The following ABI1 variants were observed in gnomAD, a reference collection of about 807,000 sequenced individuals.
The protein encoded by ABI1 is abl interactor 1, also known as Abelson interactor 1.
In ABI1, 14 loss-of-function variants were observed where a neutral mutation model predicts 54.6. The observed-to-expected ratio is 0.26, with a 90% confidence interval of 0.17 to 0.40. The LOEUF (loss-of-function observed/expected upper bound fraction) is 0.40. Among genes scored for constraint, ABI1 ranks in the 10% least tolerant of loss-of-function variants. The pLI is 1.00. For synonymous variants in ABI1, 194 were observed against 209.3 expected (o/e 0.93, Z 0.63); for missense variants, 443 against 598.3 (o/e 0.74, Z 2.71).
chr10:26,796,728 T>G (rs1318143364), intron 2 of ABI1, among the ~76,000 whole-genome samples: 3 of 152,238 alleles, frequency 2.0e-5, no homozygotes, highest in Non-Finnish European at 4.4e-5. Flanking sequence ...TAGTAACTAA[T>G]TTACTGTCTA....
In ABI1 at chr10:26,746,675, C is replaced by G. The variant is rs1207202930; in HGVS notation, c.*1895G>C. The G allele has an allele frequency of 1.8e-6, 1 of 568,076 alleles. No individual in the cohort carries two copies. The highest frequency in any genetic ancestry group is 1.9e-5 in the African/African-American group (1 of 53,422). 35.2% of individuals were successfully genotyped at this position (568,076 alleles called of 1,614,324 possible). A position where few individuals can be genotyped will look rare whatever the true frequency, so the allele number is the denominator to read the frequency against. On this transcript the variant is annotated 3_prime_UTR_variant, in exon 11 of 11. Transcript: ENST00000376140. ...AATGTAATTAATAAACCACCTGAAT[C>G]TGTCATTCTAGTCCTATAAATTATA...
intron 1 of ABI1, among the ~76,000 whole-genome samples, chr10:26,841,868 G>A (rs2049540242): frequency 6.6e-6 from 1 of 152,034 alleles, no homozygotes. Context: ...CCACAGCTTG[G>A]CTAATGTAAA....
intron 2 of ABI1, among the ~76,000 whole-genome samples, chr10:26,786,630 A>G (rs1007273028): frequency 6.6e-6 from 1 of 152,188 alleles, no homozygotes; most frequent in Non-Finnish European, 1.5e-5. Flanking sequence ...CTAACTCCAT[A>G]GAAGGGAAAA....
chr10:26,824,430 G>A (rs1301932449), intron 1 of ABI1, among the ~76,000 whole-genome samples: 1 of 152,088 alleles, frequency 6.6e-6, no homozygotes, highest in African/African-American at 2.4e-5. Flanking sequence ...GTTATTCACT[G>A]CAGCACTATC....
chr10:26,771,700 T>C (rs1432629933), intron 3 of ABI1, among the ~76,000 whole-genome samples: 1 of 152,192 alleles, frequency 6.6e-6, no homozygotes, highest in Non-Finnish European at 1.5e-5. Context: ...AAACAGGGTC[T>C]GGAAAACTCT....
chr10:26,820,618 T>G (rs1031449597), intron 2 of ABI1, among the ~76,000 whole-genome samples: 1 of 151,410 alleles, frequency 6.6e-6, no homozygotes, highest in Non-Finnish European at 1.5e-5. Context: ...GATAGAGTTT[T>G]GCTCTGTCAC....
chr10:26,752,901 A>G (rs1237665392), intron 9 of ABI1, among the ~76,000 whole-genome samples: 2 of 152,208 alleles, frequency 1.3e-5, no homozygotes, highest in Non-Finnish European at 2.9e-5. Flanking sequence ...ATGTTTTCAT[A>G]CAAATTGATA....
In ABI1 at chr10:26,843,470, AAAAAAAAAAAAAAAAATATATATAT is replaced by A. The variant is rs1276346020; in HGVS notation, c.117+17252_117+17276del. On this transcript the variant is annotated intron_variant, in intron 1 of 10. Coordinates refer to ENST00000376140, the MANE Select transcript of ABI1 (RefSeq NM_001012750.3). ...CTCCGTCTCAAAAAAAAAAAAAAAA[AAAAAAAAAAAAAAAAATATATATAT>A]ATATATATATATATATATATGTAGA... is the stretch of plus-strand genomic sequence containing the variant. Among the ~76,000 whole-genome samples the A allele has an allele frequency of 2.2e-3, 162 of 72,928 alleles. 1 individual carries two copies. In the East Asian group the frequency reaches 0.046, roughly 21 times the overall value. The allele number at this position is 72,928 out of a possible 152,430, so 47.8% of individuals were successfully genotyped here. A position where few individuals can be genotyped will look rare whatever the true frequency, so the allele number is the denominator to read the frequency against.
chr10:26,761,661 T>TATACATAC (rs1375832167), intron 7 of ABI1, among the ~76,000 whole-genome samples: 6 of 78,926 alleles, frequency 7.6e-5, no homozygotes, highest in African/African-American at 3.1e-4. Context: ...TATATATATA[T>TATACATAC]ACACACACAC....
intron 1 of ABI1, chr10:26,839,706 G>T (rs10829091): frequency 0.24 from 164,998 of 695,746 alleles, 22,952 homozygotes; most frequent in South Asian, 0.42. Context: ...ATCCCAATGC[G>T]TTGGGAGGTC....
At chr10:26,785,648 CCAG>C (rs1842652367) in intron 2 of ABI1, among the ~76,000 whole-genome samples, 1 of 151,860 alleles carries the variant, frequency 6.6e-6, no homozygotes, top group Admixed American at 6.6e-5. Context: ...TCGCTTGAAC[CCAG>C]GAGATGGAGG....
chr10:26,787,230 G>A (rs1842825530), intron 2 of ABI1, among the ~76,000 whole-genome samples: 1 of 152,128 alleles, frequency 6.6e-6, no homozygotes, highest in South Asian at 2.1e-4. Context: ...TACAAAAGAA[G>A]TAAACTTGAG....
intron 1 of ABI1, among the ~76,000 whole-genome samples, chr10:26,846,733 GACTCTGTTT>G (rs1275682764): frequency 6.6e-6 from 1 of 152,082 alleles, no homozygotes; most frequent in Non-Finnish European, 1.5e-5. Context: ...CTTCACAGAT[GACTCTGTTT>G]ACTCTGAAGT....
chr10:26,755,797 A>C, intron 8 of ABI1, 56 bp from the exon 9 acceptor site: 5 of 1,280,258 alleles, frequency 3.9e-6, no homozygotes, highest in Non-Finnish European at 5.5e-6. Flanking sequence ...AAGAAAAGGA[A>C]ACAAACAAAA....
At chr10:26,768,037 C>T (rs1345394389) in intron 6 of ABI1, among the ~76,000 whole-genome samples, 2 of 150,956 alleles carry the variant, frequency 1.3e-5, no homozygotes, top group African/African-American at 4.9e-5. Flanking sequence ...CAGAGCTAGA[C>T]TCCATCTCCA....
At chr10:26,856,410 C>T (rs529129250) in intron 1 of ABI1, among the ~76,000 whole-genome samples, 1 of 137,550 alleles carries the variant, frequency 7.3e-6, no homozygotes, top group South Asian at 2.3e-4. Context: ...TACCTCGGAA[C>T]CTCTAACTGT....
rs148829216 is a variant in ABI1 at position 26,808,903 on chromosome 10, G to A, written c.285+14235C>T. Reference sequence around the variant, plus strand: ...AGAAGGGGGAAAGGTAATAAAGGACGGGGAGACAGACAGACACAGAAAGAG... The same window carrying A: ...AGAAGGGGGAAAGGTAATAAAGGACAGGGAGACAGACAGACACAGAAAGAG... On this transcript the variant is annotated intron_variant, in intron 2 of 10. Coordinates refer to ENST00000376140, the MANE Select transcript of ABI1 (RefSeq NM_001012750.3). 3.2e-3 allele frequency among the ~76,000 whole-genome samples: 483 copies of A among 152,088 alleles called. 4 individuals carry two copies. Among genetic ancestry groups the A allele is most frequent in the Admixed American group, 0.01 (155 of 15,288 alleles).
At chr10:26,757,621 G>T (rs1000447924) in intron 8 of ABI1, among the ~76,000 whole-genome samples, 1 of 152,154 alleles carries the variant, frequency 6.6e-6, no homozygotes, top group Non-Finnish European at 1.5e-5. Flanking sequence ...CCTATTTAGT[G>T]AAGTTTAACA....
chr10:26,852,073 C>T (rs986803368), intron 1 of ABI1, among the ~76,000 whole-genome samples: 6 of 151,958 alleles, frequency 3.9e-5, no homozygotes, highest in Non-Finnish European at 7.4e-5. Flanking sequence ...ATGGGAGGAT[C>T]GCTTGACCCC....
Sources: allele counts gnomAD v4.1 joint callset (sites outside exome capture counted in the v4.1 genomes callset), GRCh38; gene constraint gnomAD v4.1.1; transcripts MANE v1.5; gene names NCBI Gene and HGNC (gene_info 2026-07-23, HGNC 2026-07-21).